The following DROSHA variants were observed in gnomAD, a reference collection of about 807,000 sequenced individuals.
The protein encoded by DROSHA is drosha ribonuclease III.
DROSHA carries 56 observed loss-of-function variants against 181.9 expected under a neutral mutation model. The observed-to-expected ratio is 0.31, with a 90% CI of 0.25 to 0.38. The LOEUF is 0.38. Among genes scored for constraint, DROSHA ranks in the 10% least tolerant of loss-of-function variants. The pLI, the probability that DROSHA is intolerant of heterozygous loss-of-function variation, is 1.00. For synonymous variants in DROSHA, 524 were observed against 591.2 expected, an observed-to-expected ratio of 0.89 and a Z score of 1.65; for missense variants, 1,218 against 1,743.5, an observed-to-expected ratio of 0.70 and a Z score of 5.37.
In DROSHA at chr5:31,514,902, A is replaced by C. The variant is rs974199479; in HGVS notation, c.1290+86T>G. The C allele has an allele frequency of 2.3e-6, 3 of 1,298,236 alleles. No homozygotes were observed. Among genetic ancestry groups the C allele is most frequent in the Non-Finnish European group, 3.2e-6 (3 of 926,800 alleles). 80.4% of individuals were successfully genotyped at this position (1,298,236 alleles called of 1,614,324 possible). A position where few individuals can be genotyped will look rare whatever the true frequency, so the allele number is the denominator to read the frequency against. ...CTACAATGCATAGGGCAGTCCCCAC[A>C]ATCAAGAATTTATCCAGCCCCAAAG... On this transcript the variant is annotated intron_variant, in intron 8 of 35. Coordinates refer to ENST00000344624, the MANE Select transcript of DROSHA (RefSeq NM_001382508.1). The surrounding 1 kb of genome is among the most constrained non-coding windows in gnomAD (Gnocchi z 4.4).
chr5:31,531,152 G>A (rs6871342), intron 2 of DROSHA, among the ~76,000 whole-genome samples: 6,834 of 152,152 alleles, frequency 0.045, 463 homozygotes, highest in African/African-American at 0.15. Context: ...CAGAACCCAC[G>A]TACAAGTAAG....
chr5:31,447,635 T>TA (rs1406294529), intron 23 of DROSHA, among the ~76,000 whole-genome samples: 1 of 152,192 alleles, frequency 6.6e-6, no homozygotes, highest in Non-Finnish European at 1.5e-5. Context: ...AGAATATATT[T>TA]AAAAACTACT....
chr5:31,418,577 G>C (rs532360133), intron 30 of DROSHA, among the ~76,000 whole-genome samples: 263 of 152,098 alleles, frequency 1.7e-3, no homozygotes, highest in Non-Finnish European at 3.3e-3. Context: ...CCCTTGTAAC[G>C]TATCAATAGT....
At chr5:31,441,516 C>T (rs962494249) in intron 23 of DROSHA, among the ~76,000 whole-genome samples, 1 of 152,106 alleles carries the variant, frequency 6.6e-6, no homozygotes, top group African/African-American at 2.4e-5. Flanking sequence ...CCAAGAGTGA[C>T]TCAAAAGTTC....
At chr5:31,451,412 C>T in intron 21 of DROSHA, 121 bp downstream of exon 21, 1 of 819,216 alleles carries the variant, frequency 1.2e-6, no homozygotes, top group Non-Finnish European at 1.9e-6. Flanking sequence ...ATGGAGAGAA[C>T]TATGTTTCTA....
intron 21 of DROSHA, among the ~76,000 whole-genome samples, chr5:31,450,020 T>G (rs1580135192): frequency 6.6e-6 from 1 of 152,198 alleles, no homozygotes; most frequent in East Asian, 1.9e-4. Flanking sequence ...TGAACAAACA[T>G]TTTTCAAAAG....
chr5:31,446,771 GA>G, intron 23 of DROSHA, among the ~76,000 whole-genome samples: 1 of 152,136 alleles, frequency 6.6e-6, no homozygotes, highest in South Asian at 2.1e-4. Flanking sequence ...CAGGCACGGT[GA>G]CTCAGGCCTG....
chr5:31,477,241 T>C (rs1389985845), intron 16 of DROSHA, among the ~76,000 whole-genome samples: 1 of 152,184 alleles, frequency 6.6e-6, no homozygotes, highest in Non-Finnish European at 1.5e-5. Flanking sequence ...ATATGGTTAT[T>C]TGGGGAGGGG....
Position 31,504,867 on chromosome 5 carries a change from G to A in DROSHA, c.1588-232C>T, listed in dbSNP as rs186390285. On this transcript the variant is annotated intron_variant, in intron 10 of 35. Coordinates refer to ENST00000344624, the MANE Select transcript of DROSHA (RefSeq NM_001382508.1). ...ACCACATTCCTGAGTTATTTGTGCA[G>A]CCAAGCAGAAAATATCAATGTCAGC... is the stretch of plus-strand genomic sequence containing the variant. 1.7e-3 allele frequency among the ~76,000 whole-genome samples: 255 copies of A among 152,272 alleles called. 1 individual carries two copies. The highest frequency in any genetic ancestry group is 5.7e-4 in the Non-Finnish European group (39 of 68,018).
chr5:31,440,028 G>C (rs1001752628), intron 23 of DROSHA, among the ~76,000 whole-genome samples: 25 of 152,100 alleles, frequency 1.6e-4, no homozygotes, highest in African/African-American at 6.0e-4. Context: ...TGGCTTTCAA[G>C]GCCATTCTTT....
chr5:31,474,143 T>C (rs1440675383), intron 16 of DROSHA, among the ~76,000 whole-genome samples: 1 of 152,200 alleles, frequency 6.6e-6, no homozygotes, highest in Non-Finnish European at 1.5e-5. Context: ...GACACTGTGC[T>C]TCTAAAAAAT....
intron 3 of DROSHA, among the ~76,000 whole-genome samples, chr5:31,529,725 A>AC: frequency 3.5e-5 from 5 of 143,918 alleles, no homozygotes; most frequent in African/African-American, 1.4e-4. Context: ...ACAGTCTCAA[A>AC]AAAACAAACA....
Position 31,487,752 on chromosome 5 carries a change from C to T in DROSHA, c.1843-1190G>A, listed in dbSNP as rs191697683. Among the ~76,000 whole-genome samples the T allele has an allele frequency of 5.3e-5, 8 of 152,194 alleles. No individual in the cohort carries two copies. In the East Asian group the frequency reaches 1.4e-3, roughly 26 times the overall value. On this transcript the variant is annotated intron_variant, in intron 13 of 35. Coordinates refer to ENST00000344624, the MANE Select transcript of DROSHA (RefSeq NM_001382508.1). ...AGATACAAAGTTTAGTTCTTGGGGG[C>T]TTTTCCTTTTTATTCTAAAGAATAG...
rs183853689 is a variant in DROSHA, at chr5:31,497,906, C to T, written c.1669-2534G>A. On this transcript the variant is annotated intron_variant, in intron 11 of 35. Transcript: ENST00000344624. ...ATTCTCTTACAAGACGAACAGCAGA[C>T]GCAGGCCAGATATAGCCAGGGACTT... Among the ~76,000 whole-genome samples, 260 of 152,312 alleles carry T rather than the reference C, an allele frequency of 1.7e-3. 1 individual carries two copies. The highest frequency in any genetic ancestry group is 1.4e-3 in the African/African-American group (60 of 41,564).
At chr5:31,429,648 C>G (rs1371267760) in intron 26 of DROSHA, 103 bp from the exon 27 acceptor site, 6 of 853,868 alleles carry the variant, frequency 7.0e-6, no homozygotes. Context: ...AAACTACTCA[C>G]AGAAAACAAA....
At chr5:31,517,223 T>G (rs1311977553) in intron 6 of DROSHA, among the ~76,000 whole-genome samples, 1 of 152,344 alleles carries the variant, frequency 6.6e-6, no homozygotes, top group East Asian at 1.9e-4. Context: ...GTTGAAACAG[T>G]TTTCATTAAG....
chr5:31,416,946 GA>G (rs973670551), intron 30 of DROSHA, among the ~76,000 whole-genome samples: 5 of 152,178 alleles, frequency 3.3e-5, no homozygotes, highest in African/African-American at 1.2e-4. Flanking sequence ...CAGGAATGGA[GA>G]AAACAAACAA....
rs72509621 is a variant in DROSHA at position 31,470,461 on chromosome 5, A to ACCCC, written c.2241+1598_2241+1601dup. On this transcript the variant is annotated intron_variant, in intron 17 of 35. Coordinates refer to ENST00000344624, the MANE Select transcript of DROSHA (RefSeq NM_001382508.1). This position sits in a 1 kb window ranked among gnomAD's most constrained non-coding sequence, Gnocchi z 4.0. ...TGCAAAAATAGTTGCGGTATGGCAGACCCCCGCAACTACTTTTGTGCCAGC... is the reference window on the plus strand; with the variant it reads ...TGCAAAAATAGTTGCGGTATGGCAGACCCCCCCCCGCAACTACTTTTGTGCCAGC... Among the ~76,000 whole-genome samples, 227 of 152,030 alleles carry ACCCC rather than the reference A, an allele frequency of 1.5e-3. No homozygotes were observed. Among genetic ancestry groups the ACCCC allele is most frequent in the African/African-American group, 5.2e-3 (214 of 41,452 alleles).
At chr5:31,515,321 T>C (rs1240435275) in intron 7 of DROSHA, 102 bp from the exon 8 acceptor site, 5 of 1,296,082 alleles carry the variant, frequency 3.9e-6, no homozygotes, top group African/African-American at 1.5e-5. Context: ...AAAATATGAA[T>C]ACCATGCCAA....
Sources: gnomAD v4.1 joint callset for allele counts (sites outside exome capture counted in the v4.1 genomes callset) on GRCh38, gnomAD v4.1.1 for gene constraint, Gnocchi (gnomAD v3.1) non-coding constraint, MANE v1.5 for transcripts, NCBI Gene and HGNC (gene_info 2026-07-23, HGNC 2026-07-21) for gene names.